The following IQCM variants were observed in gnomAD, a reference collection of about 807,000 sequenced individuals.
The protein encoded by IQCM is IQ motif containing M.
Under a neutral mutation model 57.6 loss-of-function variants are expected in IQCM, and 45 were observed. The observed-to-expected ratio is 0.78, with a 90% CI of 0.62 to 1.00. The LOEUF is 1.00. IQCM is among the 50% of genes least tolerant of loss of function. The pLI is 0.00. For synonymous variants in IQCM, 148 were observed against 158.9 expected, an observed-to-expected ratio of 0.93 and a Z score of 0.51; for missense variants, 468 against 511.6, an observed-to-expected ratio of 0.91 and a Z score of 0.82.
chr4:149,491,048 T>C (rs1293826159), intron 12 of IQCM, among the ~76,000 whole-genome samples: 1 of 152,124 alleles, frequency 6.6e-6, no homozygotes, highest in African/African-American at 2.4e-5. Flanking sequence ...AGTTTCTCTT[T>C]TGCCATTCAC....
intron 12 of IQCM, among the ~76,000 whole-genome samples, chr4:149,513,630 T>G (rs990799343): frequency 1.3e-5 from 2 of 152,164 alleles, no homozygotes; most frequent in Admixed American, 1.3e-4. Context: ...GGTTTCATGT[T>G]TCTGCATTCT....
chr4:149,515,765 A>G (rs769278977), intron 12 of IQCM, among the ~76,000 whole-genome samples: 9 of 152,226 alleles, frequency 5.9e-5, no homozygotes, highest in Non-Finnish European at 1.2e-4. Context: ...GCTGTAGCCA[A>G]TGGTTTGGCT....
intron 5 of IQCM, among the ~76,000 whole-genome samples, chr4:149,726,964 C>T (rs188274413): frequency 2.0e-4 from 31 of 152,038 alleles, no homozygotes; most frequent in Non-Finnish European, 3.8e-4. Context: ...CCATGTTAGC[C>T]AGGCTGATCT....
At chr4:149,766,888 T>C (rs940979794) in intron 2 of IQCM, among the ~76,000 whole-genome samples, 1 of 152,142 alleles carries the variant, frequency 6.6e-6, no homozygotes, top group African/African-American at 2.4e-5. Flanking sequence ...GATGTTTAAA[T>C]TCAGTGTTAC....
chr4:149,418,209 A>G (rs562544576), intron 13 of IQCM, among the ~76,000 whole-genome samples: 2 of 152,106 alleles, frequency 1.3e-5, no homozygotes, highest in South Asian at 4.2e-4. Context: ...TAGCTAGACT[A>G]GTAAAGAAGA....
intron 5 of IQCM, among the ~76,000 whole-genome samples, chr4:149,715,176 T>C (rs963228721): frequency 9.9e-5 from 15 of 152,270 alleles, no homozygotes; most frequent in Middle Eastern, 3.4e-3. Context: ...CTGTGCTAAG[T>C]CCACCTGCTT....
intron 9 of IQCM, among the ~76,000 whole-genome samples, chr4:149,564,761 G>A (rs540468865): frequency 2.6e-5 from 4 of 152,058 alleles, no homozygotes; most frequent in South Asian, 2.1e-4. Context: ...GCCTGCAGAC[G>A]GCCTATCGTG....
chr4:149,732,539 T>C (rs1162178855), intron 5 of IQCM, among the ~76,000 whole-genome samples: 1 of 152,196 alleles, frequency 6.6e-6, no homozygotes, highest in East Asian at 1.9e-4. Context: ...AGCCTTTTAA[T>C]TGCTGTTTCT....
At chr4:149,664,407 A>T (rs1327117781) in intron 7 of IQCM, among the ~76,000 whole-genome samples, 2 of 152,044 alleles carry the variant, frequency 1.3e-5, no homozygotes, top group Middle Eastern at 3.2e-3. Flanking sequence ...TGTGCATCCA[A>T]TGGAGCCGTC....
intron 12 of IQCM, among the ~76,000 whole-genome samples, chr4:149,457,394 C>A (rs963341888): frequency 6.6e-6 from 1 of 151,810 alleles, no homozygotes; most frequent in African/African-American, 2.4e-5. Flanking sequence ...GTAAATGCAC[C>A]CAAAAGTAGA....
At chr4:149,550,487 A>T (rs1748920877) in intron 11 of IQCM, among the ~76,000 whole-genome samples, 1 of 152,214 alleles carries the variant, frequency 6.6e-6, no homozygotes, top group African/African-American at 2.4e-5. Flanking sequence ...ATCACTTTAT[A>T]TGTTTCTCAC....
chr4:149,798,785 G>A (rs567500507), intron 2 of IQCM, among the ~76,000 whole-genome samples: 1 of 152,000 alleles, frequency 6.6e-6, no homozygotes, highest in Non-Finnish European at 1.5e-5. Context: ...AATTCAGCAA[G>A]AGGGTGCATA....
At chr4:149,663,402 T>C (rs1362656399) in intron 7 of IQCM, among the ~76,000 whole-genome samples, 1 of 152,070 alleles carries the variant, frequency 6.6e-6, no homozygotes, top group Non-Finnish European at 1.5e-5. Flanking sequence ...TATGCTTTCA[T>C]GTGTATTCAT....
At chr4:149,680,400 T>C (rs28535554) in intron 7 of IQCM, among the ~76,000 whole-genome samples, 5,899 of 151,362 alleles carry the variant, frequency 0.039, 399 homozygotes, top group African/African-American at 0.13. Context: ...CTATGTATAA[T>C]CAGTTTTTAA....
chr4:149,622,940 C>T lies in IQCM; in HGVS notation c.566-1696G>A, dbSNP rs117171873. On this transcript the variant is annotated intron_variant, in intron 7 of 13. Coordinates refer to ENST00000636793, the MANE Select transcript of IQCM (RefSeq NM_001363507.2). ...AACTGTTCCAAGGCAAGGACTATAA[C>T]TTACCTGGAATTGCTCTGTGTTTCT... Among the ~76,000 whole-genome samples, 131 of 152,272 alleles carry T rather than the reference C, an allele frequency of 8.6e-4. 2 individuals carry two copies. The East Asian group carries it at 0.024, about 28-fold the overall frequency.
At chr4:149,540,106 C>A (rs1364243836) in intron 12 of IQCM, among the ~76,000 whole-genome samples, 5 of 151,680 alleles carry the variant, frequency 3.3e-5, no homozygotes, top group African/African-American at 1.2e-4. Flanking sequence ...CGACAGGAGT[C>A]CCTATAAAAC....
intron 2 of IQCM, among the ~76,000 whole-genome samples, chr4:149,814,176 C>A (rs1042269685): frequency 2.0e-5 from 3 of 151,930 alleles, no homozygotes; most frequent in Non-Finnish European, 4.4e-5. Flanking sequence ...GGCACACTAC[C>A]TAAACTTCTA....
At chr4:149,417,070 G>A (rs1448957430) in intron 13 of IQCM, among the ~76,000 whole-genome samples, 2 of 152,096 alleles carry the variant, frequency 1.3e-5, no homozygotes, top group Admixed American at 1.3e-4. Context: ...GTTTTACAAA[G>A]GCAACAGAAA....
At chr4:149,413,339 G>A (rs980875438) in intron 13 of IQCM, among the ~76,000 whole-genome samples, 1 of 152,140 alleles carries the variant, frequency 6.6e-6, no homozygotes, top group Non-Finnish European at 1.5e-5. Flanking sequence ...AATCTAGTGG[G>A]AAAGAAATCG....
Sources: gnomAD v4.1 joint callset for allele counts (sites outside exome capture counted in the v4.1 genomes callset) on GRCh38, gnomAD v4.1.1 for gene constraint, MANE v1.5 for transcripts, NCBI Gene and HGNC (gene_info 2026-07-23, HGNC 2026-07-21) for gene names.